Variants in NECTIN1 observed in about 807,000 individuals in gnomAD.
NECTIN1 encodes nectin-1.
Under a neutral mutation model 48.0 loss-of-function variants are expected in NECTIN1, and 23 were observed. That is an observed-to-expected ratio of 0.48 (90% CI 0.34 to 0.68). The LOEUF is 0.68. Among genes scored for constraint, NECTIN1 ranks in the 30% least tolerant of loss-of-function variants. The probability of loss-of-function intolerance (pLI) is 0.01; values close to 1 mark genes in which losing one functional copy is unlikely to be tolerated. For missense variants in NECTIN1, 591 were observed against 709.9 expected (o/e 0.83, Z 1.90); for synonymous variants, 270 against 288.9 (o/e 0.93, Z 0.66).
rs367600278 is a variant in NECTIN1 at position 119,665,972 on chromosome 11, G to A, written c.1004-675C>T. ...CAGGCACTGGCTCAGGAGATGCCCC[G>A]TGAGTGCCAATCAGCTGCCAAGGTG... is the stretch of plus-strand genomic sequence containing the variant. On this transcript the variant is annotated intron_variant, in intron 5 of 5. Coordinates refer to ENST00000264025, the MANE Select transcript of NECTIN1 (RefSeq NM_002855.5). This position sits in a 1 kb window ranked among gnomAD's most constrained non-coding sequence, Gnocchi z 5.1. Among the ~76,000 whole-genome samples, 81 of 152,244 alleles carry A rather than the reference G, an allele frequency of 5.3e-4. No individual in the cohort carries two copies. Among genetic ancestry groups the A allele is most frequent in the Non-Finnish European group, 1.0e-3 (71 of 68,018 alleles).
In NECTIN1 at chr11:119,683,350, A is replaced by G. The variant is rs1865093481; in HGVS notation, c.80-4585T>C. Among the ~76,000 whole-genome samples the G allele has an allele frequency of 6.6e-6, 1 of 152,154 alleles. No homozygotes were observed. Among genetic ancestry groups the G allele is most frequent in the African/African-American group, 2.4e-5 (1 of 41,436 alleles). On this transcript the variant is annotated intron_variant, in intron 1 of 5. Transcript: ENST00000264025. The surrounding 1 kb of genome is among the most constrained non-coding windows in gnomAD (Gnocchi z 4.0). ...GACACAGAACAGCAGCACCCAGCCC[A>G]GTGCTTTCCCACCCTGCCACAAAAA...
At chr11:119,656,256 C>T (rs943355569), downstream of NECTIN1, 1 of 152,188 alleles carries the variant, frequency 6.6e-6, no homozygotes, top group Non-Finnish European at 1.5e-5. Context: ...CTGTTGAGCA[C>T]CCACTCTGTG....
chr11:119,701,535 C>T (rs114053825), intron 1 of NECTIN1, among the ~76,000 whole-genome samples: 1,868 of 152,106 alleles, frequency 0.012, 39 homozygotes, highest in African/African-American at 0.042. Context: ...TTGAGTGACA[C>T]CTCTTCTGTC....
At chr11:119,638,954 A>G in intron 6 of NECTIN1, 1 of 683,180 alleles carries the variant, frequency 1.5e-6, no homozygotes, top group Non-Finnish European at 2.4e-6. Flanking sequence ...GAGAGGCCAG[A>G]GCTTGGGCTG....
intron 1 of NECTIN1, among the ~76,000 whole-genome samples, chr11:119,717,144 C>T (rs571098023): frequency 1.3e-5 from 2 of 152,298 alleles, no homozygotes; most frequent in South Asian, 2.1e-4. Context: ...GAGAGGTGGG[C>T]GCCGAGGACT....
intron 1 of NECTIN1, among the ~76,000 whole-genome samples, chr11:119,706,989 C>T (rs540997504): frequency 6.6e-6 from 1 of 152,254 alleles, no homozygotes; most frequent in African/African-American, 2.4e-5. Flanking sequence ...ATTCTCCCTC[C>T]CCCTGGAGCT....
chr11:119,727,955 CTGTGGGGCGG>C lies in NECTIN1; in HGVS notation c.79+510_79+519del, dbSNP rs1239574399. Reference sequence around the variant, plus strand: ...CGCAGCAGCCGACTCTCCGCGCCCGCTGTGGGGCGGTGTGGGGCGGGAGGGGGCCCGAGCG... The same window carrying C: ...CGCAGCAGCCGACTCTCCGCGCCCGCTGTGGGGCGGGAGGGGGCCCGAGCG... On this transcript the variant is annotated intron_variant, in intron 1 of 5. Transcript: ENST00000264025. The surrounding 1 kb of genome is among the most constrained non-coding windows in gnomAD (Gnocchi z 4.1). 2.0e-5 allele frequency among the ~76,000 whole-genome samples: 3 copies of C among 152,150 alleles called. No homozygotes were observed. The highest frequency in any genetic ancestry group is 4.4e-5 in the Non-Finnish European group (3 of 68,004).
intron 5 of NECTIN1, chr11:119,640,303 G>A (rs2135522743): frequency 2.1e-6 from 1 of 469,668 alleles, no homozygotes; most frequent in African/African-American, 1.9e-5. Context: ...GGCAGCAGGT[G>A]CTGAGATGGG....
In NECTIN1 at chr11:119,677,055, C is replaced by A; in HGVS notation, c.851+47G>T. 6.5e-7 allele frequency: 1 copy of A among 1,535,184 alleles called. No individual in the cohort carries two copies. Among genetic ancestry groups the A allele is most frequent in the South Asian group, 1.1e-5 (1 of 89,518 alleles). ...ATGGTTGCCCCTCATCACCCGTGGT[C>A]CAGTCAGCTGTCTTCCAAGGTGACT... On this transcript the variant is annotated intron_variant, in intron 4 of 5. Transcript: ENST00000264025. This position sits in a 1 kb window ranked among gnomAD's most constrained non-coding sequence, Gnocchi z 5.4.
chr11:119,710,503 T>C (rs957368941), intron 1 of NECTIN1, among the ~76,000 whole-genome samples: 8 of 152,162 alleles, frequency 5.3e-5, no homozygotes, highest in African/African-American at 1.9e-4. Context: ...ACATGATCAC[T>C]GCTACGGTAG....
chr11:119,710,657 G>A (rs1033232135), intron 1 of NECTIN1, among the ~76,000 whole-genome samples: 1 of 152,168 alleles, frequency 6.6e-6, no homozygotes, highest in Non-Finnish European at 1.5e-5. Context: ...GGTGAAGTAG[G>A]GTCCTCCAGG....
At chr11:119,660,243 C>A (rs1379483868), downstream of NECTIN1, among the ~76,000 whole-genome samples, 2 of 152,106 alleles carry the variant, frequency 1.3e-5, no homozygotes, top group African/African-American at 4.8e-5. Context: ...TGGGATGGGG[C>A]AGTCTCTGAA....
At chr11:119,680,128 T>A (rs1865032937) in intron 1 of NECTIN1, among the ~76,000 whole-genome samples, 1 of 151,962 alleles carries the variant, frequency 6.6e-6, no homozygotes, top group African/African-American at 2.4e-5. Flanking sequence ...AAGGAGGGAG[T>A]GAAATTCCCT....
Position 119,669,467 on chromosome 11 carries a change from A to G in NECTIN1, c.1004-4170T>C, listed in dbSNP as rs537895000. 5.3e-5 allele frequency among the ~76,000 whole-genome samples: 8 copies of G among 151,308 alleles called. No homozygotes were observed. In the East Asian group the frequency reaches 9.7e-4, roughly 18 times the overall value. On this transcript the variant is annotated intron_variant, in intron 5 of 5. Transcript: ENST00000264025. The stretch of plus-strand genomic sequence containing the variant: ...ATCTCTTCTCACCGTCTCCATCACT[A>G]CCACCCTGATCCAAGATACTCTCAT...
chr11:119,688,418 C>T (rs541219678), intron 1 of NECTIN1, among the ~76,000 whole-genome samples: 28 of 152,046 alleles, frequency 1.8e-4, no homozygotes, highest in African/African-American at 6.3e-4. Context: ...CACGAATGAA[C>T]TCCGCACCAA....
At chr11:119,695,082 G>A (rs1367524186) in intron 1 of NECTIN1, among the ~76,000 whole-genome samples, 7 of 152,142 alleles carry the variant, frequency 4.6e-5, no homozygotes, top group Admixed American at 2.6e-4. Flanking sequence ...TGGGTATTAC[G>A]TTAGGTAATC....
chr11:119,678,332 G>T lies in NECTIN1; in HGVS notation c.430+83C>A. The T allele has an allele frequency of 1.6e-6, 2 of 1,267,856 alleles. No individual in the cohort carries two copies. The highest frequency in any genetic ancestry group is 1.7e-5 in the Admixed American group (1 of 59,564). 78.5% of individuals were successfully genotyped at this position (1,267,856 alleles called of 1,614,324 possible). A position where few individuals can be genotyped will look rare whatever the true frequency, so the allele number is the denominator to read the frequency against. On this transcript the variant is annotated intron_variant, in intron 2 of 5. Coordinates refer to ENST00000264025, the MANE Select transcript of NECTIN1 (RefSeq NM_002855.5). The surrounding 1 kb of genome is among the most constrained non-coding windows in gnomAD (Gnocchi z 4.4). ...ATGCCCACCCAAGGGGGATGTCTGG[G>T]GTCATTGAGGCATCCTGAGGATGGC...
At chr11:119,657,774 A>ATAATAATAATAC (rs1307590815), downstream of NECTIN1, among the ~76,000 whole-genome samples, 561 of 146,958 alleles carry the variant, frequency 3.8e-3, 5 homozygotes, top group African/African-American at 0.012. Context: ...AATAATAATA[A>ATAATAATAATAC]TACTAGCTGG....
At position 119,677,886 on chromosome 11, in the gene NECTIN1, C is replaced by A. The variant is rs1343072146; in HGVS notation, c.431-29G>T. ...CGAGGAAGCAGAGAGAGTGATGGGA[C>A]TAGCCCTGTTGACTTGTCCAAGATG... On this transcript the variant is annotated intron_variant, in intron 2 of 5. Transcript: ENST00000264025. This position sits in a 1 kb window ranked among gnomAD's most constrained non-coding sequence, Gnocchi z 5.4. 6.2e-7 allele frequency: 1 copy of A among 1,609,084 alleles called. No homozygotes were observed. Among genetic ancestry groups the A allele is most frequent in the South Asian group, 1.1e-5 (1 of 90,974 alleles).
Sources: allele counts gnomAD v4.1 joint callset (sites outside exome capture counted in the v4.1 genomes callset), GRCh38; gene constraint gnomAD v4.1.1; non-coding constraint Gnocchi (gnomAD v3.1); transcripts MANE v1.5; gene names NCBI Gene and HGNC (gene_info 2026-07-23, HGNC 2026-07-21).